The following ADCY9 variants were observed in gnomAD, a reference collection of about 807,000 sequenced individuals.
ADCY9 encodes adenylate cyclase 9.
A neutral mutation model predicts 101.5 loss-of-function variants in ADCY9; 50 were observed. That is an observed-to-expected ratio of 0.49 (90% CI 0.39 to 0.62). The LOEUF is 0.62. ADCY9 is among the 20% of genes least tolerant of loss of function. The pLI, the probability that ADCY9 is intolerant of heterozygous loss-of-function variation, is 0.00. For missense variants in ADCY9, 1,662 were observed against 1,800.4 expected, an observed-to-expected ratio of 0.92 and a Z score of 1.39; for synonymous variants, 905 against 769.3, an observed-to-expected ratio of 1.18 and a Z score of -2.92.
At chr16:4,090,444 G>A (rs2056966257) in intron 2 of ADCY9, among the ~76,000 whole-genome samples, 1 of 152,122 alleles carries the variant, frequency 6.6e-6, no homozygotes, top group African/African-American at 2.4e-5. Context: ...TGATGACAGT[G>A]TTTGGGAGTT....
intron 2 of ADCY9, among the ~76,000 whole-genome samples, chr16:4,048,453 A>T (rs1292796231): frequency 6.6e-6 from 1 of 152,172 alleles, no homozygotes; most frequent in Admixed American, 6.5e-5. Flanking sequence ...TGTTCCGCAA[A>T]TGGCAGTACA....
chr16:4,081,678 C>A (rs1411539939), intron 2 of ADCY9, among the ~76,000 whole-genome samples: 2 of 150,796 alleles, frequency 1.3e-5, no homozygotes, highest in East Asian at 3.9e-4. Context: ...ACAGCACATG[C>A]GGGGAGCCCC....
At chr16:3,961,714 T>G (rs922913997), downstream of ADCY9, among the ~76,000 whole-genome samples, 1 of 151,992 alleles carries the variant, frequency 6.6e-6, no homozygotes, top group Non-Finnish European at 1.5e-5. Context: ...CTTTGTGCCC[T>G]GAAGTTGGTC....
intron 2 of ADCY9, among the ~76,000 whole-genome samples, chr16:4,093,500 T>C (rs1038137913): frequency 6.6e-6 from 1 of 152,218 alleles, no homozygotes; most frequent in Non-Finnish European, 1.5e-5. Context: ...ATGAAATGGC[T>C]AAATCTCAAT....
At chr16:4,082,601 C>T (rs1201572234) in intron 2 of ADCY9, among the ~76,000 whole-genome samples, 1 of 151,958 alleles carries the variant, frequency 6.6e-6, no homozygotes, top group Non-Finnish European at 1.5e-5. Flanking sequence ...CACAGGCACA[C>T]CCATGCAAGC....
chr16:4,099,559 G>A (rs1481383261), intron 2 of ADCY9, among the ~76,000 whole-genome samples: 1 of 152,166 alleles, frequency 6.6e-6, no homozygotes, highest in Non-Finnish European at 1.5e-5. Context: ...GTTACTAAAA[G>A]GGTATGAAAG....
intron 2 of ADCY9, among the ~76,000 whole-genome samples, chr16:4,085,697 C>T (rs1366656213): frequency 1.3e-5 from 2 of 152,068 alleles, no homozygotes; most frequent in Non-Finnish European, 2.9e-5. Flanking sequence ...ATGGTATCCC[C>T]CCAGCAGCCG....
chr16:4,043,703 A>C (rs1261141049), intron 2 of ADCY9, among the ~76,000 whole-genome samples: 1 of 152,058 alleles, frequency 6.6e-6, no homozygotes, highest in Non-Finnish European at 1.5e-5. Flanking sequence ...AATAATAATA[A>C]TAAACAATGT....
At chr16:4,063,314 C>G (rs1406734468) in intron 2 of ADCY9, among the ~76,000 whole-genome samples, 2 of 151,732 alleles carry the variant, frequency 1.3e-5, no homozygotes, top group African/African-American at 4.8e-5. Flanking sequence ...AAAAACACAG[C>G]AGATCAAAAT....
chr16:4,082,982 A>G (rs1401461496), intron 2 of ADCY9, among the ~76,000 whole-genome samples: 2 of 152,248 alleles, frequency 1.3e-5, no homozygotes, highest in African/African-American at 4.8e-5. Flanking sequence ...TCACTGTGTC[A>G]TTCGGAATGG....
rs2057134163 is a variant in ADCY9 at position 4,114,428 on chromosome 16, G to A, written c.1015C>T (p.Pro339Ser). 6.2e-7 allele frequency: 1 copy of A among 1,613,994 alleles called. No homozygotes were observed. Among genetic ancestry groups the A allele is most frequent in the Non-Finnish European group, 8.5e-7 (1 of 1,180,036 alleles). The change falls in exon 2 of 11, where the codon CCA (proline) becomes TCA (serine). Residue 339 changes from proline to serine, a missense_variant. Physicochemically the swap from Pro to Ser is moderately conservative, Grantham distance 74 (BLOSUM62 -1). Coordinates refer to ENST00000294016, the MANE Select transcript of ADCY9 (RefSeq NM_001116.4). This position sits in a 1 kb window ranked among gnomAD's most constrained non-coding sequence, Gnocchi z 4.3. ...ATTAAGTCATCGGCTATGATTCTTG[G>A]CATCACGGAATGAATCATCCTCTCT... ...LKERMIHSVM[P>S]RIIADDLMKQ...
intron 2 of ADCY9, among the ~76,000 whole-genome samples, chr16:4,091,126 C>T (rs758445): frequency 0.15 from 21,958 of 150,724 alleles, 2,171 homozygotes; most frequent in African/African-American, 0.27. Context: ...CAGGCTGGAG[C>T]GCAGTGGCAT....
chr16:4,007,176 G>A (rs765892117), intron 3 of ADCY9, among the ~76,000 whole-genome samples, 192 bp downstream of exon 3: 3 of 152,124 alleles, frequency 2.0e-5, no homozygotes, highest in African/African-American at 4.8e-5. Context: ...TGCGTCATAT[G>A]TCAAAAAGCA....
At position 3,966,813 on chromosome 16, in the gene ADCY9, G is replaced by A; in HGVS notation, c.3024C>T (p.Tyr1008=). The change falls in exon 11 of 11, where the codon TAC becomes TAT. Residue 1008 remains tyrosine (Y), a synonymous_variant. Transcript: ENST00000294016. ...REFEVSYRLH[Y]HGDVEADLHR... is the part of the protein sequence containing the mutation. ...GAAGATCCGCTTCCACGTCTCCGTG[G>A]TAGTGGAGGCGGTAGCTGACTTCAA... 6.2e-7 allele frequency: 1 copy of A among 1,614,246 alleles called. No homozygotes were observed. The highest frequency in any genetic ancestry group is 1.6e-4 in the Middle Eastern group (1 of 6,062).
chr16:4,071,025 G>A (rs1199489065), intron 2 of ADCY9, among the ~76,000 whole-genome samples: 1 of 151,000 alleles, frequency 6.6e-6, no homozygotes, highest in African/African-American at 2.4e-5. Flanking sequence ...CAAAGAGGCG[G>A]GGTTACAAAG....
chr16:4,008,071 T>C (rs887176244), intron 2 of ADCY9, among the ~76,000 whole-genome samples: 6 of 152,092 alleles, frequency 3.9e-5, no homozygotes, highest in Admixed American at 1.3e-4. Context: ...CAAGAGGCCA[T>C]TAAAACCTCC....
chr16:4,104,862 T>C (rs900947288), intron 2 of ADCY9, among the ~76,000 whole-genome samples: 1 of 151,986 alleles, frequency 6.6e-6, no homozygotes, highest in Non-Finnish European at 1.5e-5. Context: ...ACCTCAGCCG[T>C]GGGTCGGGCG....
chr16:3,985,739 G>A (rs543207151), intron 6 of ADCY9, among the ~76,000 whole-genome samples: 1 of 152,068 alleles, frequency 6.6e-6, no homozygotes, highest in Admixed American at 6.5e-5. Flanking sequence ...ATCCATGGAC[G>A]CTGCCAGAGG....
chr16:4,023,388 G>T (rs142052494), intron 2 of ADCY9, among the ~76,000 whole-genome samples: 1 of 152,214 alleles, frequency 6.6e-6, no homozygotes, highest in Non-Finnish European at 1.5e-5. Flanking sequence ...AGTCAGGGAC[G>T]TCCTTTCTGA....
Sources: allele counts gnomAD v4.1 joint callset (sites outside exome capture counted in the v4.1 genomes callset), GRCh38; gene constraint gnomAD v4.1.1; non-coding constraint Gnocchi (gnomAD v3.1); transcripts MANE v1.5; gene names NCBI Gene and HGNC (gene_info 2026-07-23, HGNC 2026-07-21).